The following DUSP3 variants were observed in gnomAD, a reference collection of about 807,000 sequenced individuals.
The protein encoded by DUSP3 is dual specificity phosphatase 3.
A neutral mutation model predicts 15.5 loss-of-function variants in DUSP3; 7 were observed. The ratio of observed to expected loss-of-function variants is 0.45; its 90% CI spans 0.26 to 0.85. DUSP3 has a LOEUF of 0.85. Ranked by LOEUF, DUSP3 falls within the 40% of genes least tolerant of loss-of-function variation. The pLI is 0.18. For missense variants in DUSP3, 209 were observed against 251.7 expected (o/e 0.83, Z 1.15); for synonymous variants, 86 against 104.2 (o/e 0.83, Z 1.07).
chr17:43,769,868 C>A, intron 2 of DUSP3, 54 bp from the exon 3 acceptor site: 1 of 1,594,566 alleles, frequency 6.3e-7, no homozygotes. Context: ...CACACCATGG[C>A]GTTGGTCAAG....
At chr17:43,776,120 A>AAAAAT (rs1226566738) in intron 1 of DUSP3, among the ~76,000 whole-genome samples, 7 of 152,318 alleles carry the variant, frequency 4.6e-5, no homozygotes, top group South Asian at 4.1e-4. Flanking sequence ...CTCCGTCTCG[A>AAAAAT]AAAATAAAAT....
Position 43,778,931 on chromosome 17 carries a change from G to C in DUSP3, c.-7C>G. Reference sequence around the variant, plus strand: ...GCTCGAACGAGCCCGACATGGCGGCGGCGGGGCCCTGCACGCCCGGCAGGA... The same window carrying C: ...GCTCGAACGAGCCCGACATGGCGGCCGCGGGGCCCTGCACGCCCGGCAGGA... On this transcript the variant is annotated 5_prime_UTR_variant, in exon 1 of 3. Transcript: ENST00000226004. The C allele has an allele frequency of 6.9e-7, 1 of 1,453,722 alleles. No homozygotes were observed. The highest frequency in any genetic ancestry group is 9.1e-7 in the Non-Finnish European group (1 of 1,099,042). 90.1% of individuals were successfully genotyped at this position (1,453,722 alleles called of 1,614,324 possible). A position where few individuals can be genotyped will look rare whatever the true frequency, so the allele number is the denominator to read the frequency against.
intron 1 of DUSP3, chr17:43,778,241 T>C (rs1974414429): frequency 6.6e-6 from 1 of 152,392 alleles, no homozygotes; most frequent in Non-Finnish European, 1.5e-5. Context: ...TCAAATCACA[T>C]CTGGAAGGTG....
Position 43,776,349 on chromosome 17 carries a change from G to A in DUSP3, c.126-1411C>T, listed in dbSNP as rs1223310634. On this transcript the variant is annotated intron_variant, in intron 1 of 2. Transcript: ENST00000226004. The stretch of plus-strand genomic sequence containing the variant: ...GGCCCAACAGGATGAGCAGAGGGAT[G>A]GGCACAGGCCCCGTGTGCTGCTGGT... Among the ~76,000 whole-genome samples, 4 of 152,344 alleles carry A rather than the reference G, an allele frequency of 2.6e-5. No homozygotes were observed. In the East Asian group the frequency reaches 7.7e-4, roughly 29 times the overall value.
chr17:43,774,937 A>C lies in DUSP3; in HGVS notation c.127T>G (p.Ser43Ala). 1 of 1,614,126 alleles carries C rather than the reference A, an allele frequency of 6.2e-7. No homozygotes were observed. Among genetic ancestry groups the C allele is most frequent in the Non-Finnish European group, 8.5e-7 (1 of 1,180,008 alleles). ...VTPRIYVGNA[S>A]VAQDIPKLQK... ...AGCTTGGGGATGTCCTGAGCCACAG[A>C]CCTGGACAGGAGACAGTGGTGGGGA... Residue 43 changes from serine to alanine, a missense_variant and splice_region_variant, in exon 2 of 3, where the codon TCT becomes GCT. Ser to Ala is a moderately conservative substitution (Grantham distance 99). Coordinates refer to ENST00000226004, the MANE Select transcript of DUSP3 (RefSeq NM_004090.4).
rs911759396 is a variant in DUSP3 at position 43,768,102 on chromosome 17, C to A, written c.*1507G>T. The A allele has an allele frequency of 6.6e-6, 1 of 152,140 alleles. No homozygotes were observed. Among genetic ancestry groups the A allele is most frequent in the Non-Finnish European group, 1.5e-5 (1 of 68,024 alleles). The allele number at this position is 152,140 out of a possible 1,614,324, so 9.4% of individuals were successfully genotyped here. ...TACCATGAATTCAGTCTTCTGGGAG[C>A]GTGACACACCCACCAGAACAATGCC... On this transcript the variant is annotated 3_prime_UTR_variant, in exon 3 of 3. Coordinates refer to ENST00000226004, the MANE Select transcript of DUSP3 (RefSeq NM_004090.4).
intron 2 of DUSP3, among the ~76,000 whole-genome samples, 170 bp from the exon 3 acceptor site, chr17:43,769,984 T>C (rs1031154731): frequency 6.6e-6 from 1 of 152,106 alleles, no homozygotes; most frequent in African/African-American, 2.4e-5. Context: ...GGTGAAGATA[T>C]GGGGCAACTG....
intron 1 of DUSP3, chr17:43,778,054 C>G (rs1443832262): frequency 2.0e-5 from 3 of 153,156 alleles, no homozygotes; most frequent in African/African-American, 7.2e-5. Flanking sequence ...ACTCGGGAGG[C>G]TGAGGCAGGA....
intron 2 of DUSP3, among the ~76,000 whole-genome samples, chr17:43,771,409 T>C (rs1379603675): frequency 6.6e-6 from 1 of 152,104 alleles, no homozygotes; most frequent in African/African-American, 2.4e-5. Context: ...ATTCTATTGG[T>C]TCTGTTTTTT....
intron 1 of DUSP3, chr17:43,777,686 G>A: frequency 2.6e-6 from 1 of 381,646 alleles, no homozygotes; most frequent in South Asian, 1.9e-5. Context: ...GGTCCTCAGA[G>A]TATCGTGAAA....
chr17:43,770,475 G>A (rs1598300343), intron 2 of DUSP3, among the ~76,000 whole-genome samples: 1 of 151,534 alleles, frequency 6.6e-6, no homozygotes, highest in East Asian at 1.9e-4. Context: ...GGCCAACATA[G>A]TGAAATCCCG....
At chr17:43,775,000 G>T (rs1974369594) in intron 1 of DUSP3, 62 bp from the exon 2 acceptor site, 9 of 1,532,804 alleles carry the variant, frequency 5.9e-6, no homozygotes, top group South Asian at 2.2e-5. Context: ...GGGGGAGGAA[G>T]ATGGAGAAGG....
chr17:43,774,539 G>A (rs1426869498), intron 2 of DUSP3, among the ~76,000 whole-genome samples, 173 bp downstream of exon 2: 1 of 152,162 alleles, frequency 6.6e-6, no homozygotes, highest in Non-Finnish European at 1.5e-5. Flanking sequence ...GTGACACACG[G>A]GGCCACTTGA....
chr17:43,773,774 A>G (rs1974347289), intron 2 of DUSP3, among the ~76,000 whole-genome samples: 1 of 151,966 alleles, frequency 6.6e-6, no homozygotes. Flanking sequence ...ACCAGTCTAG[A>G]CAACATAGCA....
chr17:43,771,998 G>A (rs1306875502), intron 2 of DUSP3, among the ~76,000 whole-genome samples: 2 of 142,848 alleles, frequency 1.4e-5, no homozygotes, highest in Admixed American at 7.2e-5. Context: ...TGACAAGAGC[G>A]AGACTCCGTC....
chr17:43,769,461 G>T lies in DUSP3; in HGVS notation c.*148C>A. The T allele has an allele frequency of 1.1e-6, 1 of 901,626 alleles. No individual in the cohort carries two copies. Among genetic ancestry groups the T allele is most frequent in the Non-Finnish European group, 1.6e-6 (1 of 608,528 alleles). The allele number at this position is 901,626 out of a possible 1,614,324, so 55.9% of individuals were successfully genotyped here. A position where few individuals can be genotyped will look rare whatever the true frequency, so the allele number is the denominator to read the frequency against. ...TGTGCTCCCCAGGGTGGGGAAAGTG[G>T]CCCAGGACTGTGTTGGGACACACTT... On this transcript the variant is annotated 3_prime_UTR_variant, in exon 3 of 3. Coordinates refer to ENST00000226004, the MANE Select transcript of DUSP3 (RefSeq NM_004090.4).
Position 43,769,344 on chromosome 17 carries a change from C to G in DUSP3, c.*265G>C. ...AAGCATGCAGGCCACAGGCCTTCCC[C>G]CTCTGAGCCCCCATCTCAGGGAAAA... On this transcript the variant is annotated 3_prime_UTR_variant, in exon 3 of 3. Transcript: ENST00000226004. 1 of 463,354 alleles carries G rather than the reference C, an allele frequency of 2.2e-6. No homozygotes were observed. The highest frequency in any genetic ancestry group is 3.9e-6 in the Non-Finnish European group (1 of 258,612). The allele number at this position is 463,354 out of a possible 1,614,324, so 28.7% of individuals were successfully genotyped here.
chr17:43,778,497 G>C (rs1974417936), intron 1 of DUSP3, among the ~76,000 whole-genome samples: 2 of 152,148 alleles, frequency 1.3e-5, no homozygotes. Flanking sequence ...TGGTAGCCCC[G>C]ACCCCGCCCA....
At chr17:43,772,704 C>T (rs1285935995) in intron 2 of DUSP3, among the ~76,000 whole-genome samples, 1 of 152,182 alleles carries the variant, frequency 6.6e-6, no homozygotes. Flanking sequence ...AGTGTACCTA[C>T]TATGTGCCTG....
Sources: gnomAD v4.1 joint callset for allele counts (sites outside exome capture counted in the v4.1 genomes callset) on GRCh38, gnomAD v4.1.1 for gene constraint, MANE v1.5 for transcripts, NCBI Gene and HGNC (gene_info 2026-07-23, HGNC 2026-07-21) for gene names.